Variants in CAMK2G observed in about 807,000 individuals in gnomAD.
CAMK2G encodes calcium/calmodulin-dependent protein kinase type II subunit gamma.
Under a neutral mutation model 88.7 loss-of-function variants are expected in CAMK2G, and 23 were observed. That is an observed-to-expected ratio of 0.26 (90% CI 0.19 to 0.37). The LOEUF is 0.37. Ranked by LOEUF, CAMK2G falls within the 10% of genes least tolerant of loss-of-function variation. The pLI, the probability that CAMK2G is intolerant of heterozygous loss-of-function variation, is 1.00. For synonymous variants in CAMK2G, 263 were observed against 294.8 expected (o/e 0.89, Z 1.11); for missense variants, 476 against 780.8 (o/e 0.61, Z 4.65).
chr10:73,851,278 G>A (rs922464307), intron 5 of CAMK2G, among the ~76,000 whole-genome samples: 3 of 152,208 alleles, frequency 2.0e-5, no homozygotes, highest in South Asian at 2.1e-4. Context: ...CATCACCCTC[G>A]AGAAAAGCAA....
In CAMK2G at chr10:73,842,486, C is replaced by A. The variant is rs397514627; in HGVS notation, c.875G>T (p.Arg292Leu). 6.2e-7 allele frequency: 1 copy of A among 1,613,716 alleles called. No homozygotes were observed. The highest frequency in any genetic ancestry group is 1.1e-5 in the South Asian group (1 of 91,078). ...CAGTTTTCTCCGGGCATTGAACTTG[C>A]GCAAACACTCCACAGTCTCCTGACG... ...MHRQETVECL[R>L]KFNARRKLKG... The change falls in exon 11 of 23, where the codon CGC becomes CTC. Residue 292 changes from arginine to leucine, a missense_variant. Coordinates refer to ENST00000423381, the MANE Select transcript of CAMK2G (RefSeq NM_001367534.1). This position sits in a 1 kb window ranked among gnomAD's most constrained non-coding sequence, Gnocchi z 4.6.
At chr10:73,826,653 A>C (rs1377942633) in intron 15 of CAMK2G, among the ~76,000 whole-genome samples, 4 of 152,156 alleles carry the variant, frequency 2.6e-5, no homozygotes, top group African/African-American at 9.7e-5. Context: ...GATGCCTGCA[A>C]GTTCTTCAAT....
At chr10:73,819,211 CCTGACTTCCGACT>C (rs2086856119) in intron 19 of CAMK2G, among the ~76,000 whole-genome samples, 1 of 152,158 alleles carries the variant, frequency 6.6e-6, no homozygotes, top group African/African-American at 2.4e-5. Flanking sequence ...CCCCCACAGA[CCTGACTTCCGACT>C]CTGCCCTTCT....
At chr10:73,821,406 C>A (rs2088687637) in intron 18 of CAMK2G, among the ~76,000 whole-genome samples, 1 of 152,180 alleles carries the variant, frequency 6.6e-6, no homozygotes, top group Non-Finnish European at 1.5e-5. Flanking sequence ...TTATCAGCAA[C>A]AGGAACAGTT....
chr10:73,812,641 G>A lies in CAMK2G; in HGVS notation c.*1877C>T, dbSNP rs185485946. On this transcript the variant is annotated 3_prime_UTR_variant, in exon 23 of 23. Transcript: ENST00000423381. The stretch of plus-strand genomic sequence containing the variant: ...GTCATGCAAAAATTCTGCATCAAAT[G>A]CCTTCCGTTTCTTGTTTAAAAGGTG... The A allele has an allele frequency of 6.5e-6, 1 of 152,750 alleles. No individual in the cohort carries two copies. Among genetic ancestry groups the A allele is most frequent in the Non-Finnish European group, 1.5e-5 (1 of 68,034 alleles). 9.5% of individuals were successfully genotyped at this position (152,750 alleles called of 1,614,324 possible).
intron 13 of CAMK2G, among the ~76,000 whole-genome samples, chr10:73,837,891 C>A (rs1380412644): frequency 6.6e-6 from 1 of 152,216 alleles, no homozygotes; most frequent in Non-Finnish European, 1.5e-5. Flanking sequence ...CATGGAAGTT[C>A]TCTGGATGGC....
At chr10:73,835,762 CA>C (rs2093127908) in intron 14 of CAMK2G, among the ~76,000 whole-genome samples, 1 of 152,154 alleles carries the variant, frequency 6.6e-6, no homozygotes, top group South Asian at 2.1e-4. Flanking sequence ...CAGAGAACAT[CA>C]ATATGTATAA....
chr10:73,825,737 T>C (rs541892637), intron 15 of CAMK2G, among the ~76,000 whole-genome samples: 1 of 152,332 alleles, frequency 6.6e-6, no homozygotes, highest in Non-Finnish European at 1.5e-5. Context: ...GAAACTCTGG[T>C]CCCCTATCTG....
Position 73,848,175 on chromosome 10 carries a change from G to A in CAMK2G, c.602-93C>T. 1.3e-6 allele frequency: 1 copy of A among 784,008 alleles called. No individual in the cohort carries two copies. Among genetic ancestry groups the A allele is most frequent in the Non-Finnish European group, 2.3e-6 (1 of 443,020 alleles). 48.6% of individuals were successfully genotyped at this position (784,008 alleles called of 1,614,324 possible). A position where few individuals can be genotyped will look rare whatever the true frequency, so the allele number is the denominator to read the frequency against. ...TGCAGGGCTCAGAGCCACCTAGAAA[G>A]GCAGGGGCCATACCAGAGTCAGAAG... On this transcript the variant is annotated intron_variant, in intron 8 of 22. Coordinates refer to ENST00000423381, the MANE Select transcript of CAMK2G (RefSeq NM_001367534.1). This position sits in a 1 kb window ranked among gnomAD's most constrained non-coding sequence, Gnocchi z 4.5.
chr10:73,848,535 A>G lies in CAMK2G; in HGVS notation c.592T>C (p.Trp198Arg). ...KDPYGKPVDI[W>R]ACGVILYILL... Reference sequence around the variant, plus strand: ...CGTGGAATGGGCTTACCGCAGGCCCAGATATCCACAGGTTTTCCATAGGGA... The same window carrying G: ...CGTGGAATGGGCTTACCGCAGGCCCGGATATCCACAGGTTTTCCATAGGGA... Residue 198 changes from tryptophan to arginine, a missense_variant, in exon 8 of 23, where the codon TGG becomes CGG. Physicochemically the swap from Trp to Arg is moderately radical, Grantham distance 101. Transcript: ENST00000423381. This position sits in a 1 kb window ranked among gnomAD's most constrained non-coding sequence, Gnocchi z 4.5. 1 of 1,611,110 alleles carries G rather than the reference A, an allele frequency of 6.2e-7. No individual in the cohort carries two copies. Among genetic ancestry groups the G allele is most frequent in the Non-Finnish European group, 8.5e-7 (1 of 1,177,706 alleles).
At chr10:73,859,619 T>C (rs559053746) in intron 3 of CAMK2G, among the ~76,000 whole-genome samples, 52 of 152,316 alleles carry the variant, frequency 3.4e-4, no homozygotes, top group Admixed American at 2.2e-3. Flanking sequence ...ACCCACCAGC[T>C]GAGAGGTGCT....
At chr10:73,835,671 A>T (rs1051664713) in intron 14 of CAMK2G, among the ~76,000 whole-genome samples, 2 of 151,448 alleles carry the variant, frequency 1.3e-5, no homozygotes, top group Non-Finnish European at 2.9e-5. Context: ...TCTGACACAG[A>T]AACTTCCAAT....
rs2087742329 is a variant in CAMK2G, at chr10:73,820,482, ATATATATATATTT to A, written c.1250-850_1250-838del. Among the ~76,000 whole-genome samples the A allele has an allele frequency of 2.4e-4, 8 of 33,250 alleles. No individual in the cohort carries two copies. The South Asian group carries it at 0.012, about 48-fold the overall frequency. 21.8% of individuals were successfully genotyped at this position (33,250 alleles called of 152,430 possible). A position where few individuals can be genotyped will look rare whatever the true frequency, so the allele number is the denominator to read the frequency against. ...TTTATATTTATATATATATATATAT[ATATATATATATTT>A]TTTTTTTTTTTTTTTTCTTGAGACA... On this transcript the variant is annotated intron_variant, in intron 18 of 22. Transcript: ENST00000423381.
At chr10:73,815,928 CAG>C (rs1305848529) in intron 21 of CAMK2G, 14 of 937,620 alleles carry the variant, frequency 1.5e-5, no homozygotes, top group African/African-American at 1.8e-5. Context: ...AAATGTTAGA[CAG>C]GGGCTACATG....
intron 3 of CAMK2G, among the ~76,000 whole-genome samples, chr10:73,855,126 A>G (rs1364778103): frequency 6.6e-6 from 1 of 151,968 alleles, no homozygotes; most frequent in African/African-American, 2.4e-5. Flanking sequence ...CCTCCCATAA[A>G]AATTAGCCTG....
intron 21 of CAMK2G, chr10:73,816,251 C>T: frequency 1.2e-5 from 12 of 989,182 alleles, no homozygotes; most frequent in Non-Finnish European, 1.4e-5. Context: ...AGACGTCTGC[C>T]TTCCTCCATA....
At chr10:73,873,291 T>G (rs2095906869) in intron 1 of CAMK2G, 1 of 1,249,856 alleles carries the variant, frequency 8.0e-7, no homozygotes, top group Admixed American at 2.8e-5. Context: ...GTGGGTGGCG[T>G]GCCGCGCTCC....
At position 73,842,872 on chromosome 10, in the gene CAMK2G, G is replaced by C. The variant is rs1193219985; in HGVS notation, c.820-331C>G. On this transcript the variant is annotated intron_variant, in intron 10 of 22. Transcript: ENST00000423381. The surrounding 1 kb of genome is among the most constrained non-coding windows in gnomAD (Gnocchi z 4.6). ...GTGATCCTCATTCAGTCACTCCTTA[G>C]GCAGCTGTTTACTGAGCACCTACTG... Among the ~76,000 whole-genome samples the C allele has an allele frequency of 6.6e-6, 1 of 152,048 alleles. No homozygotes were observed. The highest frequency in any genetic ancestry group is 1.5e-5 in the Non-Finnish European group (1 of 68,004).
intron 18 of CAMK2G, among the ~76,000 whole-genome samples, chr10:73,819,869 C>A (rs1337064729): frequency 6.6e-6 from 1 of 152,222 alleles, no homozygotes; most frequent in Non-Finnish European, 1.5e-5. Context: ...GGTGCCCAGA[C>A]CTGGGCTGTG....
Sources: gnomAD v4.1 joint callset for allele counts (sites outside exome capture counted in the v4.1 genomes callset) on GRCh38, gnomAD v4.1.1 for gene constraint, Gnocchi (gnomAD v3.1) non-coding constraint, MANE v1.5 for transcripts, NCBI Gene and HGNC (gene_info 2026-07-23, HGNC 2026-07-21) for gene names.